The following WWOX variants were observed in gnomAD, a reference collection of about 807,000 sequenced individuals.
The protein encoded by WWOX is WW domain-containing oxidoreductase.
Under a neutral mutation model 46.2 loss-of-function variants are expected in WWOX, and 69 were observed. The observed-to-expected ratio is 1.49, with a 90% CI of 1.23 to 1.82. The LOEUF is 1.82. Ranked by LOEUF, WWOX falls within the 40% of genes most tolerant of loss-of-function variation. The probability of loss-of-function intolerance (pLI) is 0.00; values close to 1 mark genes in which losing one functional copy is unlikely to be tolerated. For synonymous variants in WWOX, 359 were observed against 202.6 expected (o/e 1.77, Z -6.56); for missense variants, 919 against 542.6 (o/e 1.69, Z -6.89).
At chr16:78,286,590 AT>A (rs936153308) in intron 5 of WWOX, among the ~76,000 whole-genome samples, 17 of 150,350 alleles carry the variant, frequency 1.1e-4, no homozygotes, top group African/African-American at 2.2e-4. Context: ...TTGATTCTTG[AT>A]TTTTTTTTTC....
chr16:78,342,852 CT>C lies in WWOX; in HGVS notation c.517-44006del, dbSNP rs1243457313. Among the ~76,000 whole-genome samples the C allele has an allele frequency of 1.7e-5, 2 of 120,582 alleles. 1 individual carries two copies. The highest frequency in any genetic ancestry group is 4.0e-5 in the Non-Finnish European group (2 of 50,438). The allele number at this position is 120,582 out of a possible 152,430, so 79.1% of individuals were successfully genotyped here. On this transcript the variant is annotated intron_variant, in intron 5 of 8. Coordinates refer to ENST00000566780, the MANE Select transcript of WWOX (RefSeq NM_016373.4). ...GGAGTAGCAGGAGAGCCACATATTT[CT>C]TAGTGAGGGGACCCAGAATGATCCC...
chr16:78,314,721 T>TTTC (rs2080326947), intron 5 of WWOX, among the ~76,000 whole-genome samples: 7 of 128,422 alleles, frequency 5.5e-5, no homozygotes, highest in African/African-American at 1.5e-4. Context: ...TTTTTTTTTT[T>TTTC]CTGTATTTTC....
chr16:78,978,267 C>A (rs2046612417), intron 8 of WWOX, among the ~76,000 whole-genome samples: 1 of 152,168 alleles, frequency 6.6e-6, no homozygotes, highest in African/African-American at 2.4e-5. Flanking sequence ...GTTATTTCCA[C>A]CTTTTTGCTC....
At chr16:78,548,196 A>G (rs1030625172) in intron 8 of WWOX, among the ~76,000 whole-genome samples, 4 of 147,002 alleles carry the variant, frequency 2.7e-5, no homozygotes, top group Non-Finnish European at 6.0e-5. Context: ...TTTTGCGAGG[A>G]CGCAAACATT....
chr16:78,894,187 T>C (rs554964777), intron 8 of WWOX, among the ~76,000 whole-genome samples: 29 of 152,150 alleles, frequency 1.9e-4, no homozygotes, highest in African/African-American at 5.8e-4. Flanking sequence ...TACAGGCAAG[T>C]GTACTGTGGC....
chr16:78,927,022 T>C (rs2045514008), intron 8 of WWOX, among the ~76,000 whole-genome samples: 1 of 152,172 alleles, frequency 6.6e-6, no homozygotes, highest in South Asian at 2.1e-4. Flanking sequence ...TTTTAAACTC[T>C]TGAGCTCAAG....
chr16:78,169,353 T>C (rs2035073740), intron 5 of WWOX, among the ~76,000 whole-genome samples: 1 of 152,070 alleles, frequency 6.6e-6, no homozygotes, highest in Non-Finnish European at 1.5e-5. Flanking sequence ...TGTGTCTGAG[T>C]CCTGCATTAC....
intron 5 of WWOX, among the ~76,000 whole-genome samples, chr16:78,301,425 A>C (rs1158930591): frequency 6.6e-6 from 1 of 151,818 alleles, no homozygotes; most frequent in Non-Finnish European, 1.5e-5. Context: ...TATTTTTTTC[A>C]TACTTTTCTT....
intron 8 of WWOX, among the ~76,000 whole-genome samples, chr16:79,091,321 C>T (rs947299356): frequency 6.6e-6 from 1 of 151,784 alleles, no homozygotes; most frequent in Non-Finnish European, 1.5e-5. Flanking sequence ...TATGCTGATC[C>T]CAGTGCATGA....
intron 5 of WWOX, among the ~76,000 whole-genome samples, chr16:78,317,372 G>C (rs1352174816): frequency 2.4e-4 from 37 of 152,124 alleles, no homozygotes; most frequent in Non-Finnish European, 4.4e-5. Flanking sequence ...GTTTGTTACA[G>C]TGTGATGGAG....
chr16:78,105,684 G>A (rs980152202), intron 1 of WWOX, among the ~76,000 whole-genome samples: 1 of 152,198 alleles, frequency 6.6e-6, no homozygotes, highest in African/African-American at 2.4e-5. Context: ...TGTGGGCCAG[G>A]CATGAGGCTA....
chr16:78,492,800 C>G (rs73578911), intron 8 of WWOX, among the ~76,000 whole-genome samples: 1 of 152,126 alleles, frequency 6.6e-6, no homozygotes, highest in Non-Finnish European at 1.5e-5. Flanking sequence ...CATTTGTAGC[C>G]TTTTGACAAA....
At chr16:78,254,959 G>C (rs142248022) in intron 5 of WWOX, among the ~76,000 whole-genome samples, 1 of 152,174 alleles carries the variant, frequency 6.6e-6, no homozygotes, top group Non-Finnish European at 1.5e-5. Flanking sequence ...TGGTATGGAG[G>C]GCTGGGAGGA....
intron 8 of WWOX, among the ~76,000 whole-genome samples, chr16:78,602,060 T>C (rs941337152): frequency 2.6e-5 from 4 of 152,232 alleles, no homozygotes; most frequent in African/African-American, 9.6e-5. Context: ...CTTCCTTAGG[T>C]TCCTGAAATT....
intron 5 of WWOX, among the ~76,000 whole-genome samples, chr16:78,263,370 G>A (rs546436947): frequency 7.2e-5 from 11 of 152,294 alleles, no homozygotes; most frequent in African/African-American, 1.9e-4. Context: ...TCCATCCAGG[G>A]CCATGTGCTC....
intron 8 of WWOX, among the ~76,000 whole-genome samples, chr16:78,528,734 A>G (rs1300909014): frequency 6.6e-6 from 1 of 151,952 alleles, no homozygotes; most frequent in Non-Finnish European, 1.5e-5. Context: ...GCCGGTGAAA[A>G]TGAACTTTAG....
intron 8 of WWOX, among the ~76,000 whole-genome samples, chr16:78,774,195 G>A (rs904824164): frequency 1.3e-5 from 2 of 152,254 alleles, no homozygotes; most frequent in East Asian, 3.9e-4. Context: ...GAGGTCAGGA[G>A]ATGGAGACCA....
At chr16:78,595,475 C>G (rs1020211130) in intron 8 of WWOX, among the ~76,000 whole-genome samples, 14 of 152,214 alleles carry the variant, frequency 9.2e-5, no homozygotes, top group Admixed American at 8.5e-4. Flanking sequence ...GTCTTTGCAA[C>G]TAACATACTC....
chr16:78,530,988 A>ATAT (rs1314071826), intron 8 of WWOX, among the ~76,000 whole-genome samples: 5 of 152,218 alleles, frequency 3.3e-5, no homozygotes, highest in African/African-American at 1.2e-4. Context: ...TACTCTGCAA[A>ATAT]TATGGAATTG....
Sources: allele counts gnomAD v4.1 joint callset (sites outside exome capture counted in the v4.1 genomes callset), GRCh38; gene constraint gnomAD v4.1.1; transcripts MANE v1.5; gene names NCBI Gene and HGNC (gene_info 2026-07-23, HGNC 2026-07-21).